The following CHFR variants were observed in gnomAD, a reference collection of about 807,000 sequenced individuals.
The protein encoded by CHFR is checkpoint with forkhead and ring finger domains, also known as E3 ubiquitin-protein ligase CHFR.
Under a neutral mutation model 87.6 loss-of-function variants are expected in CHFR, and 57 were observed. The ratio of observed to expected loss-of-function variants is 0.65; its 90% confidence interval spans 0.53 to 0.81. CHFR has a LOEUF of 0.81. CHFR is among the 30% of genes least tolerant of loss of function. The pLI, the probability that CHFR is intolerant of heterozygous loss-of-function variation, is 0.00. For missense variants in CHFR, 797 were observed against 865.8 expected, an observed-to-expected ratio of 0.92 and a Z score of 1.00; for synonymous variants, 381 against 359.2, an observed-to-expected ratio of 1.06 and a Z score of -0.69.
chr12:132,862,323 G>A (rs1043194265), intron 6 of CHFR: 1 of 310,426 alleles, frequency 3.2e-6, no homozygotes, highest in African/African-American at 2.3e-5. Flanking sequence ...GCTGGGCATG[G>A]GGCTCACACC....
chr12:132,882,502 C>T (rs533209459), intron 2 of CHFR, among the ~76,000 whole-genome samples: 3 of 152,238 alleles, frequency 2.0e-5, no homozygotes, highest in South Asian at 4.1e-4. Flanking sequence ...GCCATGAAAC[C>T]GGATATTAAA....
rs1951154950 is a variant in CHFR at position 132,859,167 on chromosome 12, G to A, written c.812C>T (p.Thr271Ile). Reference sequence around the variant, plus strand: ...CGCTGCTCTGACGTCCTCGTGGACGGTTTGGGCATTTCTACGCGGTTGTGC... The same window carrying A: ...CGCTGCTCTGACGTCCTCGTGGACGATTTGGGCATTTCTACGCGGTTGTGC... The part of the protein sequence containing the change: ...LVAQPRRNAQ[T>I]VHEDVRAAAG... The change falls in exon 8 of 18, where the codon ACC (threonine) becomes ATC (isoleucine). Residue 271 changes from threonine to isoleucine, a missense_variant. Transcript: ENST00000450056. 6.2e-7 allele frequency: 1 copy of A among 1,614,024 alleles called. No individual in the cohort carries two copies. The highest frequency in any genetic ancestry group is 1.1e-5 in the South Asian group (1 of 91,046).
intron 12 of CHFR, 82 bp downstream of exon 12, chr12:132,851,536 C>T (rs1281054653): frequency 1.5e-5 from 22 of 1,442,654 alleles, no homozygotes; most frequent in Non-Finnish European, 1.7e-5. Context: ...TCACAGGTTA[C>T]CCTAAGGCCA....
intron 1 of CHFR, 77 bp from the exon 2 acceptor site, chr12:132,887,417 GCC>G (rs1566212090): frequency 4.4e-6 from 5 of 1,127,138 alleles, no homozygotes; most frequent in Non-Finnish European, 5.5e-6. Flanking sequence ...CACCCCGCGG[GCC>G]CCGGCCCGGC....
intron 7 of CHFR, among the ~76,000 whole-genome samples, chr12:132,861,072 T>C (rs1951199399): frequency 6.6e-6 from 1 of 152,044 alleles, no homozygotes; most frequent in Non-Finnish European, 1.5e-5. Context: ...TTTTTAGAGA[T>C]AAAGTCTTGC....
Position 132,837,310 on chromosome 12 carries a change from T to C in CHFR, c.*4244A>G, listed in dbSNP as rs1462293899. On this transcript the variant is annotated 3_prime_UTR_variant, in exon 18 of 18. Coordinates refer to ENST00000450056, the MANE Select transcript of CHFR (RefSeq NM_001161346.2). ...ATATGCTGGCTGCCTGGTGCAGCAC[T>C]GTGCTGGTGTTTAACAACCTTCTCT... is the stretch of plus-strand genomic sequence containing the variant. 1.8e-5 allele frequency: 3 copies of C among 162,642 alleles called. No homozygotes were observed. Among genetic ancestry groups the C allele is most frequent in the Admixed American group, 1.7e-4 (3 of 17,634 alleles). The allele number at this position is 162,642 out of a possible 1,614,324, so 10.1% of individuals were successfully genotyped here. A position where few individuals can be genotyped will look rare whatever the true frequency, so the allele number is the denominator to read the frequency against.
At position 132,838,415 on chromosome 12, in the gene CHFR, CG is replaced by C. The variant is rs1194161542; in HGVS notation, c.*3138del. The C allele has an allele frequency of 6.6e-6, 1 of 152,324 alleles. No homozygotes were observed. The highest frequency in any genetic ancestry group is 1.5e-5 in the Non-Finnish European group (1 of 68,116). 9.4% of individuals were successfully genotyped at this position (152,324 alleles called of 1,614,324 possible). On this transcript the variant is annotated 3_prime_UTR_variant, in exon 18 of 18. Coordinates refer to ENST00000450056, the MANE Select transcript of CHFR (RefSeq NM_001161346.2). ...CCCAGAGAGGCCTCACTGGGGTGGA[CG>C]GGTTCACCTAGAACCTGAGGCCCCC... is the stretch of plus-strand genomic sequence containing the variant.
Position 132,859,155 on chromosome 12 carries a change from T to C in CHFR, c.824A>G (p.Asp275Gly), listed in dbSNP as rs1000960906. Residue 275 changes from aspartate (D) to glycine (G), a missense_variant, in exon 8 of 18, where the codon GAC (aspartate) becomes GGC (glycine). By Grantham distance (94) the Asp-to-Gly change is moderately conservative. Coordinates refer to ENST00000450056, the MANE Select transcript of CHFR (RefSeq NM_001161346.2). ...TGGCTTCCCAGCCGCTGCTCTGACG[T>C]CCTCGTGGACGGTTTGGGCATTTCT... ...PRRNAQTVHE[D>G]VRAAAGKPDK... 6.2e-7 allele frequency: 1 copy of C among 1,614,102 alleles called. No homozygotes were observed. Among genetic ancestry groups the C allele is most frequent in the Non-Finnish European group, 8.5e-7 (1 of 1,179,994 alleles).
At chr12:132,853,632 G>C (rs1566182098) in intron 10 of CHFR, 59 bp from the exon 11 acceptor site, 2 of 1,470,972 alleles carry the variant, frequency 1.4e-6, no homozygotes, top group Non-Finnish European at 1.8e-6. Flanking sequence ...GGTAGGGCCG[G>C]TGCAACGCGG....
At chr12:132,865,831 T>A (rs1175019200) in intron 6 of CHFR, 1 of 151,766 alleles carries the variant, frequency 6.6e-6, no homozygotes, top group African/African-American at 2.4e-5. Flanking sequence ...GGCTAATTTT[T>A]GTATTTTTTA....
chr12:132,857,118 G>A (rs570201098), intron 9 of CHFR, among the ~76,000 whole-genome samples: 6 of 134,088 alleles, frequency 4.5e-5, no homozygotes, highest in African/African-American at 1.7e-4. Flanking sequence ...TCACGTGCCC[G>A]GGTGCTGGTG....
chr12:132,846,941 A>G lies in CHFR; in HGVS notation c.1735+102T>C, dbSNP rs1456395152. On this transcript the variant is annotated intron_variant, in intron 15 of 17. Transcript: ENST00000450056. The stretch of plus-strand genomic sequence containing the variant: ...CATCAGGATCTTTTTCCTCTCTTCC[A>G]GGGTGGGTGAAGGTCGGAGTTGTCA... 3.7e-6 allele frequency: 3 copies of G among 804,784 alleles called. No individual in the cohort carries two copies. The African/African-American group carries it at 5.1e-5, about 14-fold the overall frequency. 49.9% of individuals were successfully genotyped at this position (804,784 alleles called of 1,614,324 possible).
rs1390404042 is a variant in CHFR, at chr12:132,832,705, T to C, written c.*8849A>G. On this transcript the variant is annotated 3_prime_UTR_variant, in exon 18 of 18. Coordinates refer to ENST00000450056, the MANE Select transcript of CHFR (RefSeq NM_001161346.2). ...ACAATGAATCTAATCATATACTAAG[T>C]TGATGGCACAGTGTGGGAAAAATGC... 1 of 152,252 alleles carries C rather than the reference T, an allele frequency of 6.6e-6. No individual in the cohort carries two copies. Among genetic ancestry groups the C allele is most frequent in the Admixed American group, 6.5e-5 (1 of 15,280 alleles). 9.4% of individuals were successfully genotyped at this position (152,252 alleles called of 1,614,324 possible).
intron 2 of CHFR, among the ~76,000 whole-genome samples, chr12:132,880,634 G>A (rs1444738519): frequency 6.7e-6 from 1 of 148,952 alleles, no homozygotes; most frequent in African/African-American, 2.5e-5. Context: ...CTCCAGCCTG[G>A]GCAACAGAGC....
chr12:132,879,721 A>G (rs1414030308), intron 2 of CHFR, among the ~76,000 whole-genome samples: 1 of 152,166 alleles, frequency 6.6e-6, no homozygotes, highest in Non-Finnish European at 1.5e-5. Context: ...AAAATCCTCA[A>G]TACTTGCCCT....
chr12:132,859,097 G>C lies in CHFR; in HGVS notation c.882C>G (p.Ile294Met). Residue 294 changes from isoleucine (I) to methionine (M), a missense_variant, in exon 8 of 18, where the codon ATC becomes ATG. Around this residue, in one of 2 missense-constraint regions of CHFR, gnomAD observed 597 missense variants for 601.2 expected, o/e 0.99. Coordinates refer to ENST00000450056, the MANE Select transcript of CHFR (RefSeq NM_001161346.2). ...DKMEETLTCI[I>M]CQDLLHDCVS... The stretch of plus-strand genomic sequence containing the variant: ...CGCAGTCGTGCAGCAGGTCCTGGCA[G>C]ATGATGCATGTCAGCGTCTCCTCCA... 6.2e-7 allele frequency: 1 copy of C among 1,614,006 alleles called. No homozygotes were observed. Among genetic ancestry groups the C allele is most frequent in the South Asian group, 1.1e-5 (1 of 91,060 alleles).
At chr12:132,885,063 G>C (rs1951856189) in intron 2 of CHFR, among the ~76,000 whole-genome samples, 1 of 151,512 alleles carries the variant, frequency 6.6e-6, no homozygotes, top group Non-Finnish European at 1.5e-5. Flanking sequence ...ACTCCAGCCT[G>C]GGTGACAGAG....
intron 2 of CHFR, 37 bp from the exon 3 acceptor site, chr12:132,877,691 C>G: frequency 1.4e-6 from 2 of 1,416,374 alleles, no homozygotes; most frequent in South Asian, 2.4e-5. Context: ...GGGATATGAT[C>G]GTGGTAACTG....
At position 132,844,061 on chromosome 12, in the gene CHFR, C is replaced by G. The variant is rs1950757063; in HGVS notation, c.1809G>C (p.Gln603His). 6.2e-7 allele frequency: 1 copy of G among 1,613,634 alleles called. No individual in the cohort carries two copies. The highest frequency in any genetic ancestry group is 8.5e-7 in the Non-Finnish European group (1 of 1,179,700). Residue 603 changes from glutamine to histidine, a missense_variant, in exon 16 of 18, where the codon CAG (glutamine) becomes CAC (histidine). By Grantham distance (24) the Gln-to-His change is conservative. This residue lies in a region of CHFR where 200 missense variants were observed against 264.6 expected (regional missense o/e 0.76). Transcript: ENST00000450056. ...GLRSFRELTY[Q>H]YRQNIPASEL... is the part of the protein sequence containing the mutation. ...CGGAAGCAGGAATGTTCTGCCGATA[C>G]TGATAGGTCAGCTCACGGAAGCTGC...
Sources: gnomAD v4.1 joint callset for allele counts (sites outside exome capture counted in the v4.1 genomes callset) on GRCh38, gnomAD v4.1.1 for gene constraint, gnomAD v4.1.1 regional missense constraint, MANE v1.5 for transcripts, NCBI Gene and HGNC (gene_info 2026-07-23, HGNC 2026-07-21) for gene names.